GRIA4: variants seen among roughly 807,000 people sequenced by gnomAD.
GRIA4 encodes glutamate receptor 4.
A neutral mutation model predicts 104.0 loss-of-function variants in GRIA4; 34 were observed. That is an observed-to-expected ratio of 0.33 (90% CI 0.25 to 0.44). GRIA4 has a LOEUF of 0.44. GRIA4 is among the 20% of genes least tolerant of loss of function. The pLI, the probability that GRIA4 is intolerant of heterozygous loss-of-function variation, is 1.00. For synonymous variants in GRIA4, 386 were observed against 381.9 expected, an observed-to-expected ratio of 1.01 and a Z score of -0.13; for missense variants, 750 against 1,096.5, an observed-to-expected ratio of 0.68 and a Z score of 4.46.
intron 4 of GRIA4, among the ~76,000 whole-genome samples, chr11:105,840,257 T>C (rs2135956740): frequency 6.6e-6 from 1 of 152,318 alleles, no homozygotes; most frequent in East Asian, 1.9e-4. Context: ...TGAACCAAAT[T>C]TTTGGTCATT....
chr11:105,901,196 T>A (rs1298218496), intron 7 of GRIA4, among the ~76,000 whole-genome samples: 1 of 152,162 alleles, frequency 6.6e-6, no homozygotes, highest in Non-Finnish European at 1.5e-5. Flanking sequence ...TTCATCCTCA[T>A]AATAATCACA....
chr11:105,973,557 T>A (rs1013143051), intron 15 of GRIA4, among the ~76,000 whole-genome samples: 5 of 152,032 alleles, frequency 3.3e-5, no homozygotes, highest in African/African-American at 1.2e-4. Flanking sequence ...TTAATAAAAA[T>A]AATTATAGAT....
chr11:105,905,911 C>T (rs973280587), intron 9 of GRIA4, among the ~76,000 whole-genome samples: 1 of 151,998 alleles, frequency 6.6e-6, no homozygotes, highest in Non-Finnish European at 1.5e-5. Flanking sequence ...AGCGGTCTTC[C>T]CAGCATTCAA....
chr11:105,678,124 T>C (rs1952599086), intron 3 of GRIA4, among the ~76,000 whole-genome samples: 1 of 152,058 alleles, frequency 6.6e-6, no homozygotes, highest in African/African-American at 2.4e-5. Context: ...TATAAGGTTT[T>C]TTCAAGTATG....
intron 14 of GRIA4, among the ~76,000 whole-genome samples, chr11:105,970,815 C>T (rs1347080690): frequency 3.3e-5 from 5 of 152,276 alleles, no homozygotes; most frequent in African/African-American, 9.6e-5. Context: ...AAAATGGTAA[C>T]AACAAAAGAT....
At chr11:105,622,072 A>G (rs1950762440) in intron 3 of GRIA4, among the ~76,000 whole-genome samples, 1 of 151,712 alleles carries the variant, frequency 6.6e-6, no homozygotes, top group Non-Finnish European at 1.5e-5. Context: ...CCTTTGTCAT[A>G]TACGTTGCAA....
At chr11:105,957,420 T>C (rs1417004558) in intron 14 of GRIA4, among the ~76,000 whole-genome samples, 1 of 152,210 alleles carries the variant, frequency 6.6e-6, no homozygotes, top group East Asian at 1.9e-4. Flanking sequence ...CAGATAGTTG[T>C]AGATATGCGG....
intron 3 of GRIA4, among the ~76,000 whole-genome samples, chr11:105,619,138 A>G (rs1950676491): frequency 6.6e-6 from 1 of 151,594 alleles, no homozygotes; most frequent in Admixed American, 6.6e-5. Flanking sequence ...ATTGGCCTAG[A>G]ATGTTCTTCT....
chr11:105,930,546 T>C (rs886930801), intron 13 of GRIA4, among the ~76,000 whole-genome samples: 3 of 152,016 alleles, frequency 2.0e-5, no homozygotes, highest in Non-Finnish European at 4.4e-5. Context: ...ATTTTCCACA[T>C]ACTAATATAT....
At chr11:105,719,005 G>A (rs992036002) in intron 3 of GRIA4, among the ~76,000 whole-genome samples, 1 of 152,078 alleles carries the variant, frequency 6.6e-6, no homozygotes, top group South Asian at 2.1e-4. Context: ...GCATTAACAC[G>A]AAGCACTTAT....
At chr11:105,814,332 T>C (rs1251392384) in intron 4 of GRIA4, among the ~76,000 whole-genome samples, 2 of 152,230 alleles carry the variant, frequency 1.3e-5, no homozygotes, top group Non-Finnish European at 2.9e-5. Flanking sequence ...CTATTATTTA[T>C]GTAATGGTAC....
At chr11:105,662,036 G>T (rs892567921) in intron 3 of GRIA4, among the ~76,000 whole-genome samples, 2 of 126,770 alleles carry the variant, frequency 1.6e-5, no homozygotes, top group African/African-American at 5.7e-5. Context: ...CACATCAAAT[G>T]AATGTTTAAG....
intron 4 of GRIA4, among the ~76,000 whole-genome samples, chr11:105,782,146 T>C (rs1941756596): frequency 6.6e-6 from 1 of 152,216 alleles, no homozygotes; most frequent in African/African-American, 2.4e-5. Context: ...CTTGAGCTGA[T>C]AGTTCAGACA....
At chr11:105,787,584 T>C (rs964170337) in intron 4 of GRIA4, among the ~76,000 whole-genome samples, 2 of 149,698 alleles carry the variant, frequency 1.3e-5, no homozygotes, top group African/African-American at 4.9e-5. Context: ...CAAGCAATTC[T>C]CCCACCTCAG....
At chr11:105,923,675 A>T (rs142228537) in intron 11 of GRIA4, among the ~76,000 whole-genome samples, 1 of 152,290 alleles carries the variant, frequency 6.6e-6, no homozygotes, top group African/African-American at 2.4e-5. Flanking sequence ...AAATGACAGA[A>T]CTCTGAAAAT....
intron 4 of GRIA4, among the ~76,000 whole-genome samples, chr11:105,804,063 G>T (rs1942840725): frequency 1.3e-5 from 2 of 151,692 alleles, no homozygotes; most frequent in African/African-American, 4.8e-5. Flanking sequence ...TTTTATTGTA[G>T]GATGCATTAT....
Position 105,745,156 on chromosome 11 carries a change from T to C in GRIA4, c.248-7825T>C, listed in dbSNP as rs79584248. 5.2e-3 allele frequency among the ~76,000 whole-genome samples: 790 copies of C among 152,254 alleles called. 8 individuals carry two copies. The East Asian group carries it at 0.054, about 10-fold the overall frequency. ...CTAATAACTAACATTTTTTCCAAAA[T>C]GTGAATAATAGTAATAAAATAATAA... On this transcript the variant is annotated intron_variant, in intron 3 of 16. Transcript: ENST00000282499.
At chr11:105,888,333 G>C (rs1946347547) in intron 6 of GRIA4, among the ~76,000 whole-genome samples, 1 of 122,674 alleles carries the variant, frequency 8.2e-6, no homozygotes, top group Admixed American at 1.1e-4. Context: ...GCCCAGGCTG[G>C]AGTGCAGTGG....
At position 105,954,910 on chromosome 11, in the gene GRIA4, T is replaced by TTATATATATATA. The variant is rs56101816; in HGVS notation, c.2295-16995_2295-16984dup. Among the ~76,000 whole-genome samples, 87 of 45,740 alleles carry TTATATATATATA rather than the reference T, an allele frequency of 1.9e-3. 1 individual carries two copies. The highest frequency in any genetic ancestry group is 0.011 in the East Asian group (19 of 1,708). The allele number at this position is 45,740 out of a possible 152,430, so 30.0% of individuals were successfully genotyped here. A position where few individuals can be genotyped will look rare whatever the true frequency, so the allele number is the denominator to read the frequency against. ...TTTTGATAGGTATATTGCTTTCAAT[T>TTATATATATATA]TATATATATATATATATATAATGCC... On this transcript the variant is annotated intron_variant, in intron 14 of 16. Coordinates refer to ENST00000282499, the MANE Select transcript of GRIA4 (RefSeq NM_000829.4).
Sources: allele counts gnomAD v4.1 joint callset (sites outside exome capture counted in the v4.1 genomes callset), GRCh38; gene constraint gnomAD v4.1.1; transcripts MANE v1.5; gene names NCBI Gene and HGNC (gene_info 2026-07-23, HGNC 2026-07-21).